Variants in MTR observed in about 807,000 individuals in gnomAD.
The protein encoded by MTR is methionine synthase.
In MTR, 84 loss-of-function variants were observed where a neutral mutation model predicts 154.8. That is an observed-to-expected ratio of 0.54 (90% CI 0.45 to 0.65). The LOEUF is 0.65. Ranked by LOEUF, MTR falls within the 30% of genes least tolerant of loss-of-function variation. MTR has a pLI of 0.00. For synonymous variants in MTR, 554 were observed against 553.9 expected (o/e 1.00, Z 0.00); for missense variants, 1,275 against 1,570.2 (o/e 0.81, Z 3.18).
At chr1:236,841,533 G>C (rs1370953310) in intron 15 of MTR, among the ~76,000 whole-genome samples, 1 of 152,168 alleles carries the variant, frequency 6.6e-6, no homozygotes, top group African/African-American at 2.4e-5. Flanking sequence ...ACATGAGCTG[G>C]AAGTAGGCCA....
In MTR at chr1:236,859,902, C is replaced by T; in HGVS notation, c.2023C>T (p.Leu675Phe). The T allele has an allele frequency of 3.1e-6, 5 of 1,613,908 alleles. No homozygotes were observed. The highest frequency in any genetic ancestry group is 1.1e-5 in the South Asian group (1 of 91,078). Residue 675 changes from leucine to phenylalanine, a missense_variant, in exon 19 of 33, where the codon CTT (leucine) becomes TTT (phenylalanine). Coordinates refer to ENST00000366577, the MANE Select transcript of MTR (RefSeq NM_000254.3). ...EWRNGPVEERLEYALVKGIEK... is the reference protein window; with the variant it reads ...EWRNGPVEERFEYALVKGIEK... ...GAGAAATGGCCCTGTCGAAGAACGC[C>T]TTGAGTATGCCCTTGTGAAGGTAAG...
At chr1:236,799,788 TGTG>T in intron 1 of MTR, among the ~76,000 whole-genome samples, 1 of 145,978 alleles carries the variant, frequency 6.9e-6, no homozygotes, top group Non-Finnish European at 1.5e-5. Flanking sequence ...TCAAATTCAT[TGTG>T]TTTTTTTTTT....
At chr1:236,889,028 A>G (rs924826071) in intron 27 of MTR, among the ~76,000 whole-genome samples, 153 bp from the exon 28 acceptor site, 1 of 152,166 alleles carries the variant, frequency 6.6e-6, no homozygotes, top group Non-Finnish European at 1.5e-5. Flanking sequence ...TCTCCACGAT[A>G]ATTTAAAGTT....
intron 19 of MTR, among the ~76,000 whole-genome samples, chr1:236,860,911 T>C (rs1002997790): frequency 6.6e-6 from 1 of 152,160 alleles, no homozygotes; most frequent in South Asian, 2.1e-4. Context: ...AATAAACATA[T>C]GAGATACTAT....
intron 4 of MTR, among the ~76,000 whole-genome samples, chr1:236,809,836 C>A (rs147600122): frequency 1.0e-3 from 158 of 152,314 alleles, no homozygotes; most frequent in African/African-American, 3.2e-3. Context: ...ACACAACTTG[C>A]TACACCATTT....
At position 236,824,148 on chromosome 1, in the gene MTR, C is replaced by G; in HGVS notation, c.794C>G (p.Ala265Gly). The G allele has an allele frequency of 6.2e-7, 1 of 1,613,936 alleles. No homozygotes were observed. The highest frequency in any genetic ancestry group is 8.5e-7 in the Non-Finnish European group (1 of 1,179,960). The change falls in exon 9 of 33, where the codon GCT becomes GGT. Residue 265 changes from alanine to glycine, a missense_variant. Ala to Gly is a moderately conservative substitution (Grantham distance 60). Transcript: ENST00000366577. ...CIGLNCALGA[A>G]EMRPFIEIIG... ...GGATTAAATTGTGCTTTGGGTGCAG[C>G]TGAAATGAGACCTTTTATTGAAATA...
chr1:236,833,784 A>G (rs1243025500), intron 13 of MTR, among the ~76,000 whole-genome samples: 4 of 152,204 alleles, frequency 2.6e-5, no homozygotes, highest in Non-Finnish European at 5.9e-5. Context: ...GGAAGGTTAG[A>G]CTTTGAAGCT....
chr1:236,844,912 G>A (rs988753085), intron 15 of MTR, among the ~76,000 whole-genome samples: 1 of 152,132 alleles, frequency 6.6e-6, no homozygotes, highest in African/African-American at 2.4e-5. Flanking sequence ...TTGAAAAATC[G>A]TACACACTCC....
intron 25 of MTR, among the ~76,000 whole-genome samples, chr1:236,884,858 C>T (rs1285341875): frequency 6.6e-6 from 1 of 152,194 alleles, no homozygotes; most frequent in African/African-American, 2.4e-5. Flanking sequence ...ACTCTCTTAT[C>T]AGGCAGGCTG....
chr1:236,808,820 C>G, intron 4 of MTR, 47 bp downstream of exon 4: 1 of 1,552,868 alleles, frequency 6.4e-7, no homozygotes, highest in Non-Finnish European at 8.9e-7. Context: ...TCCTTTGATA[C>G]TGTCAGCTAT....
At chr1:236,811,912 T>C (rs1036665648) in intron 5 of MTR, among the ~76,000 whole-genome samples, 4 of 152,236 alleles carry the variant, frequency 2.6e-5, no homozygotes, top group Non-Finnish European at 5.9e-5. Context: ...AGGACTTTGT[T>C]GTGTAGGCTT....
intron 15 of MTR, among the ~76,000 whole-genome samples, chr1:236,839,764 A>G (rs867684413): frequency 1.3e-5 from 2 of 152,258 alleles, no homozygotes; most frequent in Non-Finnish European, 1.5e-5. Context: ...TTATTGTAGC[A>G]TTGTGGTAGC....
rs536961915 is a variant in MTR at position 236,799,804 on chromosome 1, A to T, written c.35-3624A>T. On this transcript the variant is annotated intron_variant, in intron 1 of 32. Coordinates refer to ENST00000366577, the MANE Select transcript of MTR (RefSeq NM_000254.3). ...CAAATTCATTGTGTTTTTTTTTTTT[A>T]AATTAAGAGGTTGGTCTTTTTGAGT... 1.5e-3 allele frequency among the ~76,000 whole-genome samples: 223 copies of T among 144,146 alleles called. 1 individual carries two copies. The highest frequency in any genetic ancestry group is 4.9e-3 in the African/African-American group (194 of 39,972). 94.6% of individuals were successfully genotyped at this position (144,146 alleles called of 152,430 possible). A position where few individuals can be genotyped will look rare whatever the true frequency, so the allele number is the denominator to read the frequency against.
At chr1:236,892,927 T>C (rs978131020) in intron 29 of MTR, among the ~76,000 whole-genome samples, 10 of 152,164 alleles carry the variant, frequency 6.6e-5, no homozygotes, top group African/African-American at 2.4e-4. Context: ...GAGTTCACCT[T>C]TTTAGTAGCC....
At chr1:236,891,631 C>T (rs1364105255) in intron 29 of MTR, among the ~76,000 whole-genome samples, 2 of 152,154 alleles carry the variant, frequency 1.3e-5, no homozygotes, top group Non-Finnish European at 2.9e-5. Context: ...GGATCTCAGT[C>T]TTCTTAGCTT....
At chr1:236,883,573 T>C (rs1665868312) in intron 25 of MTR, among the ~76,000 whole-genome samples, 1 of 152,138 alleles carries the variant, frequency 6.6e-6, no homozygotes, top group African/African-American at 2.4e-5. Flanking sequence ...GAGTTCAGAG[T>C]AGGCATTCCC....
rs1024440527 is a variant in MTR, at chr1:236,852,764, G to C, written c.1812+127G>C. ...CTGTAAATAAGATTTTATTGGGATA[G>C]AGCCACACCTATTCATTTGTATCTT... On this transcript the variant is annotated intron_variant, in intron 17 of 32. Transcript: ENST00000366577. The C allele has an allele frequency of 5.6e-6, 6 of 1,076,464 alleles. No individual in the cohort carries two copies. In the Admixed American group the frequency reaches 1.1e-4, roughly 19 times the overall value. The allele number at this position is 1,076,464 out of a possible 1,614,324, so 66.7% of individuals were successfully genotyped here.
intron 15 of MTR, among the ~76,000 whole-genome samples, chr1:236,845,931 T>A (rs1663543701): frequency 6.6e-6 from 1 of 152,166 alleles, no homozygotes; most frequent in African/African-American, 2.4e-5. Flanking sequence ...CACCACTGAT[T>A]ATAGGGGAAA....
intron 24 of MTR, 33 bp downstream of exon 24, chr1:236,874,879 C>A (rs747876156): frequency 1.9e-5 from 31 of 1,610,682 alleles, no homozygotes; most frequent in Non-Finnish European, 2.6e-5. Context: ...GTCCTCACTT[C>A]AAATTTTCTT....
Sources: allele counts gnomAD v4.1 joint callset (sites outside exome capture counted in the v4.1 genomes callset), GRCh38; gene constraint gnomAD v4.1.1; transcripts MANE v1.5; gene names NCBI Gene and HGNC (gene_info 2026-07-23, HGNC 2026-07-21).